Variants in PUM1 observed in about 807,000 individuals in gnomAD.
The protein encoded by PUM1 is pumilio homolog 1.
A neutral mutation model predicts 131.8 loss-of-function variants in PUM1; 13 were observed. The ratio of observed to expected loss-of-function variants is 0.10; its 90% CI spans 0.06 to 0.16. The LOEUF is 0.16. PUM1 is among the 10% of genes least tolerant of loss of function. PUM1 has a pLI of 1.00. For synonymous variants in PUM1, 509 were observed against 556.5 expected (o/e 0.91, Z 1.20); for missense variants, 961 against 1,512.4 (o/e 0.64, Z 6.05).
chr1:31,038,985 T>TATA (rs879343889), intron 2 of PUM1, among the ~76,000 whole-genome samples: 2,627 of 32,738 alleles, frequency 0.08, 66 homozygotes, highest in Middle Eastern at 0.17. Flanking sequence ...TATATATATA[T>TATA]TTTTTTTTTT....
rs1323821335 is a variant in PUM1 at position 31,065,683 on chromosome 1, C to T, written c.-79G>A. 1.2e-5 allele frequency: 19 copies of T among 1,549,814 alleles called. No individual in the cohort carries two copies. Among genetic ancestry groups the T allele is most frequent in the Non-Finnish European group, 1.5e-5 (17 of 1,146,872 alleles). Reference sequence around the variant, plus strand: ...TTCTCTCTCTGGCGCTCTCGCTCCCCCTTACCTTTCACTCCGACAACATGG... The same window carrying T: ...TTCTCTCTCTGGCGCTCTCGCTCCCTCTTACCTTTCACTCCGACAACATGG... On this transcript the variant is annotated 5_prime_UTR_variant, in exon 1 of 22. Coordinates refer to ENST00000426105, the MANE Select transcript of PUM1 (RefSeq NM_001020658.2).
chr1:31,057,357 C>T (rs372223365), intron 2 of PUM1, among the ~76,000 whole-genome samples: 1 of 72,696 alleles, frequency 1.4e-5, no homozygotes, highest in East Asian at 9.3e-4. Context: ...GAGCCAATAT[C>T]ATCATATCAC....
intron 3 of PUM1, among the ~76,000 whole-genome samples, chr1:31,008,393 A>G (rs1305253199): frequency 8.0e-6 from 1 of 125,092 alleles, no homozygotes; most frequent in African/African-American, 3.7e-5. Context: ...ATTAAACAAG[A>G]TTGAGAAAAA....
intron 8 of PUM1, among the ~76,000 whole-genome samples, chr1:30,980,931 A>G (rs534740691): frequency 6.6e-6 from 1 of 152,332 alleles, no homozygotes; most frequent in African/African-American, 2.4e-5. Context: ...TGGAAAATGG[A>G]TTTATACTGT....
intron 16 of PUM1, among the ~76,000 whole-genome samples, chr1:30,951,991 G>A (rs2124412918): frequency 6.6e-6 from 1 of 152,212 alleles, no homozygotes; most frequent in Non-Finnish European, 1.5e-5. Flanking sequence ...TCCTAAATGG[G>A]GACACCAGTT....
At chr1:30,943,239 T>C (rs1465883139) in intron 18 of PUM1, among the ~76,000 whole-genome samples, 1 of 152,224 alleles carries the variant, frequency 6.6e-6, no homozygotes, top group Non-Finnish European at 1.5e-5. Flanking sequence ...TTCTGTAGTT[T>C]ATTCTGCATG....
intron 9 of PUM1, among the ~76,000 whole-genome samples, chr1:30,978,328 T>C (rs1216689931): frequency 6.6e-6 from 1 of 152,180 alleles, no homozygotes; most frequent in Non-Finnish European, 1.5e-5. Context: ...TGAAAAATCA[T>C]ATGAAAGAAA....
chr1:31,058,383 G>A (rs184109778), intron 2 of PUM1, among the ~76,000 whole-genome samples: 72 of 152,302 alleles, frequency 4.7e-4, no homozygotes, highest in African/African-American at 1.4e-3. Context: ...GTTGTAGGCC[G>A]GGCGCAGTGG....
chr1:31,015,906 C>G (rs972949991), intron 3 of PUM1, among the ~76,000 whole-genome samples: 10 of 151,916 alleles, frequency 6.6e-5, no homozygotes, highest in Non-Finnish European at 2.9e-5. Flanking sequence ...CTCCTGACCT[C>G]AGGTGATCCA....
intron 5 of PUM1, among the ~76,000 whole-genome samples, chr1:30,995,631 T>C (rs1465729999): frequency 1.3e-5 from 2 of 151,966 alleles, no homozygotes; most frequent in African/African-American, 4.8e-5. Flanking sequence ...GCTAATAGCA[T>C]AGAAAAAAAA....
At chr1:31,050,816 G>T (rs1644090288) in intron 2 of PUM1, 1 of 177,488 alleles carries the variant, frequency 5.6e-6, no homozygotes, top group Non-Finnish European at 1.3e-5. Flanking sequence ...TAATTACAAG[G>T]TATAAAAATT....
chr1:31,053,104 C>T (rs1443990913), intron 2 of PUM1, among the ~76,000 whole-genome samples: 3 of 151,454 alleles, frequency 2.0e-5, no homozygotes, highest in Middle Eastern at 3.4e-3. Context: ...CCTCTGCCCC[C>T]GATTCAAGCG....
In PUM1 at chr1:31,038,958, T is replaced by TATATATATATATATATATA. The variant is rs1553152630; in HGVS notation, c.364-10095_364-10094insTATATATATATATATATAT. Among the ~76,000 whole-genome samples, 133 of 43,784 alleles carry TATATATATATATATATATA rather than the reference T, an allele frequency of 3.0e-3. 22 individuals are homozygous for TATATATATATATATATATA. Among genetic ancestry groups the TATATATATATATATATATA allele is most frequent in the Admixed American group, 4.8e-3 (20 of 4,138 alleles). The allele number at this position is 43,784 out of a possible 152,430, so 28.7% of individuals were successfully genotyped here. On this transcript the variant is annotated intron_variant, in intron 2 of 21. Transcript: ENST00000426105. ...TAGCCATTTAAAATGTTTTAAAATT[T>TATATATATATATATATATA]TATATATATATATATATATATATAT...
At chr1:30,946,616 G>T (rs1335875101) in intron 17 of PUM1, among the ~76,000 whole-genome samples, 1 of 131,466 alleles carries the variant, frequency 7.6e-6, no homozygotes, top group African/African-American at 3.0e-5. Flanking sequence ...CAGCCTGAGC[G>T]ACAGAGCGAG....
At chr1:30,935,260 G>A (rs549712370) in intron 21 of PUM1, among the ~76,000 whole-genome samples, 24 of 152,268 alleles carry the variant, frequency 1.6e-4, no homozygotes, top group Middle Eastern at 3.4e-3. Flanking sequence ...GGTCTCTGGC[G>A]TCCAAGTCTT....
At chr1:31,014,786 C>T (rs2124523429) in intron 3 of PUM1, among the ~76,000 whole-genome samples, 1 of 147,440 alleles carries the variant, frequency 6.8e-6, no homozygotes, top group South Asian at 2.1e-4. Context: ...AAGACTGTGT[C>T]TCAGAAAAAA....
intron 2 of PUM1, among the ~76,000 whole-genome samples, chr1:31,046,057 G>A (rs1643952865): frequency 6.6e-6 from 1 of 151,644 alleles, no homozygotes; most frequent in African/African-American, 2.4e-5. Flanking sequence ...ACTCCAGCCT[G>A]GGCAACAGCG....
chr1:30,955,413 C>T (rs561246480), intron 14 of PUM1, among the ~76,000 whole-genome samples: 15 of 148,458 alleles, frequency 1.0e-4, no homozygotes, highest in Non-Finnish European at 2.2e-4. Context: ...TGCAGTGAGC[C>T]GAGATTGTGC....
intron 21 of PUM1, chr1:30,935,852 C>A (rs1386642884): frequency 2.9e-6 from 1 of 343,070 alleles, no homozygotes; most frequent in African/African-American, 2.4e-5. Context: ...ATGAGAAGCA[C>A]CGGAGGCTGG....
Sources: allele counts gnomAD v4.1 joint callset (sites outside exome capture counted in the v4.1 genomes callset), GRCh38; gene constraint gnomAD v4.1.1; transcripts MANE v1.5; gene names NCBI Gene and HGNC (gene_info 2026-07-23, HGNC 2026-07-21).